UBAC1: variants seen among roughly 807,000 people sequenced by gnomAD.
UBAC1 encodes UBA domain containing 1, also known as ubiquitin-associated domain-containing protein 1.
Under a neutral mutation model 45.9 loss-of-function variants are expected in UBAC1, and 27 were observed. That is an observed-to-expected ratio of 0.59 (90% CI 0.43 to 0.81). The LOEUF is 0.81. Ranked by LOEUF, UBAC1 falls within the 30% of genes least tolerant of loss-of-function variation. The pLI is 0.00. For synonymous variants in UBAC1, 227 were observed against 215.5 expected, an observed-to-expected ratio of 1.05 and a Z score of -0.47; for missense variants, 529 against 539.2, an observed-to-expected ratio of 0.98 and a Z score of 0.19.
intron 1 of UBAC1, among the ~76,000 whole-genome samples, chr9:135,957,877 C>A (rs972052064): frequency 1.3e-5 from 2 of 149,832 alleles, no homozygotes; most frequent in Admixed American, 1.3e-4. Flanking sequence ...CAGGTTCAAG[C>A]GATTCTTGTG....
intron 5 of UBAC1, 89 bp from the exon 6 acceptor site, chr9:135,946,086 G>C (rs1357296470): frequency 1.5e-6 from 2 of 1,311,092 alleles, no homozygotes; most frequent in African/African-American, 2.9e-5. Flanking sequence ...TTATCTGTCT[G>C]AGCTCCACCT....
chr9:135,958,204 G>A (rs1485933799), intron 1 of UBAC1, among the ~76,000 whole-genome samples: 10 of 152,086 alleles, frequency 6.6e-5, no homozygotes, highest in East Asian at 1.9e-4. Context: ...CCGCCACCAC[G>A]CCCGGCTAAT....
At chr9:135,934,796 G>A (rs1839184522) in intron 9 of UBAC1, among the ~76,000 whole-genome samples, 2 of 152,200 alleles carry the variant, frequency 1.3e-5, no homozygotes, top group Admixed American at 1.3e-4. Context: ...ATTCTGGAAG[G>A]ATGAAAGAGT....
chr9:135,948,131 A>C, intron 3 of UBAC1: 1 of 498,176 alleles, frequency 2.0e-6, no homozygotes, highest in East Asian at 3.4e-5. Context: ...GTGAAGCGGT[A>C]GGTGAGGGGC....
chr9:135,956,575 G>C (rs116715104), intron 1 of UBAC1, among the ~76,000 whole-genome samples: 1 of 151,950 alleles, frequency 6.6e-6, no homozygotes, highest in Non-Finnish European at 1.5e-5. Flanking sequence ...CATACAGCCC[G>C]ACACACGACA....
intron 9 of UBAC1, among the ~76,000 whole-genome samples, chr9:135,934,741 C>T (rs770159632): frequency 6.6e-6 from 1 of 152,132 alleles, no homozygotes; most frequent in East Asian, 1.9e-4. Flanking sequence ...ACACACAGGG[C>T]GGGGAACTTA....
chr9:135,956,634 A>T (rs970256561), intron 1 of UBAC1, among the ~76,000 whole-genome samples: 1 of 152,042 alleles, frequency 6.6e-6, no homozygotes, highest in Non-Finnish European at 1.5e-5. Flanking sequence ...CACCACACCA[A>T]ACAGTGCCCA....
chr9:135,956,417 G>A (rs1588536715), intron 1 of UBAC1, among the ~76,000 whole-genome samples: 1 of 152,168 alleles, frequency 6.6e-6, no homozygotes. Context: ...GAACACGGGG[G>A]CTAGGCGCGT....
chr9:135,941,698 G>A lies in UBAC1; in HGVS notation c.877-1939C>T, dbSNP rs977912097. On this transcript the variant is annotated intron_variant, in intron 7 of 9. Transcript: ENST00000371756. Reference sequence around the variant, plus strand: ...CCCTGCCCTCCCTCCCAGCCCATGGGGGCAAAGACTTGCTTGTGGGCAATG... The same window carrying A: ...CCCTGCCCTCCCTCCCAGCCCATGGAGGCAAAGACTTGCTTGTGGGCAATG... Among the ~76,000 whole-genome samples, 4 of 152,208 alleles carry A rather than the reference G, an allele frequency of 2.6e-5. 1 individual carries two copies. The highest frequency in any genetic ancestry group is 9.6e-5 in the African/African-American group (4 of 41,458).
intron 3 of UBAC1, among the ~76,000 whole-genome samples, chr9:135,952,528 A>G (rs763639946): frequency 2.0e-5 from 3 of 152,256 alleles, no homozygotes; most frequent in African/African-American, 4.8e-5. Context: ...TAGGGCAGCC[A>G]GTAAACAACA....
At chr9:135,944,971 G>T in intron 7 of UBAC1, 57 bp downstream of exon 7, 1 of 1,516,380 alleles carries the variant, frequency 6.6e-7, no homozygotes. Context: ...TTTCCATGGC[G>T]CCACCTCAAG....
intron 3 of UBAC1, among the ~76,000 whole-genome samples, chr9:135,948,379 G>A (rs965206716): frequency 6.6e-6 from 1 of 152,282 alleles, no homozygotes; most frequent in African/African-American, 2.4e-5. Context: ...ATTCTCAGAA[G>A]ACGGCAGAGG....
chr9:135,943,971 G>GCACC (rs1839297469), intron 7 of UBAC1, among the ~76,000 whole-genome samples: 13 of 152,158 alleles, frequency 8.5e-5, no homozygotes, highest in African/African-American at 3.1e-4. Context: ...GGCCCATCAG[G>GCACC]GGGTCTGGGG....
At chr9:135,933,774 T>C (rs529273598) in intron 9 of UBAC1, among the ~76,000 whole-genome samples, 1 of 152,290 alleles carries the variant, frequency 6.6e-6, no homozygotes, top group South Asian at 2.1e-4. Flanking sequence ...TGCGTGCTCA[T>C]GGCACCCCCA....
rs1839531529 is a variant in UBAC1, at chr9:135,961,118, C to CCGCA, written c.41_44dup (p.Leu16AlafsTer48). On this transcript the variant is annotated frameshift_variant, in exon 1 of 10. Transcript: ENST00000371756. LOFTEE classifies it high-confidence loss of function. ...CGCCGTCGGACGCGCAGATGTGCAG[C>CCGCA]CGCAGCACCTTGCCCGCGAAGATCT... 6.3e-7 allele frequency: 1 copy of CCGCA among 1,589,162 alleles called. No individual in the cohort carries two copies. The highest frequency in any genetic ancestry group is 1.7e-5 in the Admixed American group (1 of 58,318).
At chr9:135,943,009 C>G (rs1288818696) in intron 7 of UBAC1, among the ~76,000 whole-genome samples, 1 of 152,108 alleles carries the variant, frequency 6.6e-6, no homozygotes, top group East Asian at 1.9e-4. Context: ...AACGTTTTTG[C>G]AATCTATTCA....
At chr9:135,936,135 G>A (rs1020267377) in intron 9 of UBAC1, among the ~76,000 whole-genome samples, 9 of 151,284 alleles carry the variant, frequency 5.9e-5, no homozygotes, top group Admixed American at 6.6e-5. Flanking sequence ...GGACAGTGGC[G>A]CCATCACTGC....
At chr9:135,957,971 T>C (rs1033541345) in intron 1 of UBAC1, among the ~76,000 whole-genome samples, 1 of 151,936 alleles carries the variant, frequency 6.6e-6, no homozygotes, top group African/African-American at 2.4e-5. Flanking sequence ...AGAAGGGGTA[T>C]TGCCATGTTG....
At chr9:135,939,826 G>T in intron 7 of UBAC1, 67 bp from the exon 8 acceptor site, 1 of 1,431,114 alleles carries the variant, frequency 7.0e-7, no homozygotes, top group Non-Finnish European at 9.7e-7. Flanking sequence ...TGACCTGCGT[G>T]CAGAGGGGCC....
Sources: gnomAD v4.1 joint callset for allele counts (sites outside exome capture counted in the v4.1 genomes callset) on GRCh38, gnomAD v4.1.1 for gene constraint, MANE v1.5 for transcripts, NCBI Gene and HGNC (gene_info 2026-07-23, HGNC 2026-07-21) for gene names.